The following COBL variants were observed in gnomAD, a reference collection of about 807,000 sequenced individuals.
COBL encodes the protein protein cordon-bleu.
In COBL, 51 loss-of-function variants were observed where a neutral mutation model predicts 98.8. That is an observed-to-expected ratio of 0.52 (90% CI 0.41 to 0.65). The LOEUF is 0.65. Ranked by LOEUF, COBL falls within the 30% of genes least tolerant of loss-of-function variation. The pLI, the probability that COBL is intolerant of heterozygous loss-of-function variation, is 0.00. For missense variants in COBL, 1,617 were observed against 1,617.5 expected (o/e 1.00, Z 0.01); for synonymous variants, 634 against 651.7 (o/e 0.97, Z 0.41).
At chr7:51,057,345 C>T (rs1790863996) in intron 7 of COBL, among the ~76,000 whole-genome samples, 1 of 152,112 alleles carries the variant, frequency 6.6e-6, no homozygotes, top group African/African-American at 2.4e-5. Context: ...CACACACACA[C>T]ACACACATAT....
At chr7:51,260,192 C>T (rs891414125) in intron 1 of COBL, 14 of 771,322 alleles carry the variant, frequency 1.8e-5, no homozygotes, top group Non-Finnish European at 2.8e-5. Flanking sequence ...AGCTACTGAT[C>T]ATGCGTAACT....
chr7:51,218,294 A>G (rs1282272177), intron 2 of COBL, among the ~76,000 whole-genome samples: 3 of 152,258 alleles, frequency 2.0e-5, no homozygotes, highest in Non-Finnish European at 4.4e-5. Flanking sequence ...AAGTAACAAA[A>G]TAGTTGCAAA....
chr7:51,076,254 A>G (rs1414758074), intron 7 of COBL, among the ~76,000 whole-genome samples: 1 of 152,244 alleles, frequency 6.6e-6, no homozygotes, highest in Non-Finnish European at 1.5e-5. Flanking sequence ...AAAAGTACTT[A>G]GTTTGGGCTC....
intron 5 of COBL, among the ~76,000 whole-genome samples, chr7:51,150,633 C>T (rs1454366842): frequency 1.3e-5 from 2 of 152,178 alleles, no homozygotes; most frequent in Non-Finnish European, 2.9e-5. Context: ...CTATAACTGA[C>T]CTTCTTTCAG....
chr7:51,236,792 G>A (rs909464029), intron 1 of COBL, among the ~76,000 whole-genome samples: 3 of 152,144 alleles, frequency 2.0e-5, no homozygotes, highest in African/African-American at 7.2e-5. Flanking sequence ...TCTGGTACAC[G>A]ATGCACTCAA....
rs1786344877 is a variant in COBL at position 51,017,030 on chromosome 7, A to ACTACCTAAC, written c.*520_*521insGTTAGGTAG. The stretch of plus-strand genomic sequence containing the variant: ...TTACTACCTAACAAAGCCACCTTTG[A>ACTACCTAAC]AAAGCCTCCCAATTTTTTTTTCTTA... On this transcript the variant is annotated 3_prime_UTR_variant, in exon 13 of 13. Transcript: ENST00000265136. 2.5e-6 allele frequency: 1 copy of ACTACCTAAC among 403,662 alleles called. No homozygotes were observed. Among genetic ancestry groups the ACTACCTAAC allele is most frequent in the Non-Finnish European group, 4.4e-6 (1 of 229,454 alleles). 25.0% of individuals were successfully genotyped at this position (403,662 alleles called of 1,614,324 possible).
intron 2 of COBL, among the ~76,000 whole-genome samples, chr7:51,213,216 G>A (rs1354967156): frequency 6.6e-6 from 1 of 152,080 alleles, no homozygotes; most frequent in African/African-American, 2.4e-5. Flanking sequence ...CTACAGCAGC[G>A]GTCCCCAACC....
chr7:51,066,651 G>T (rs933076583), intron 7 of COBL, among the ~76,000 whole-genome samples: 1 of 152,170 alleles, frequency 6.6e-6, no homozygotes, highest in African/African-American at 2.4e-5. Context: ...AAAGTGCATG[G>T]GAAGGGGGTG....
In COBL at chr7:51,284,435, G is replaced by A. The variant is rs114702631; in HGVS notation, c.41+32158C>T. 4.8e-3 allele frequency among the ~76,000 whole-genome samples: 723 copies of A among 152,004 alleles called. 3 individuals are homozygous for A. The highest frequency in any genetic ancestry group is 0.016 in the African/African-American group (670 of 41,470). The stretch of plus-strand genomic sequence containing the variant: ...AGTTTAAAGAAGAAAAATCACATGC[G>A]TGTATCAATCAAAGCAAAGACAAGC... On this transcript the variant is annotated intron_variant, in intron 1 of 12. Transcript: ENST00000265136.
chr7:51,194,681 T>G (rs776233599), intron 2 of COBL, among the ~76,000 whole-genome samples: 1 of 152,238 alleles, frequency 6.6e-6, no homozygotes, highest in Non-Finnish European at 1.5e-5. Flanking sequence ...GGTATCTCAT[T>G]GCGGTTTTGA....
intron 5 of COBL, among the ~76,000 whole-genome samples, chr7:51,146,272 CTA>C (rs1157557213): frequency 6.6e-6 from 1 of 152,216 alleles, no homozygotes; most frequent in African/African-American, 2.4e-5. Context: ...TTTGGGTACT[CTA>C]TTATTAATTA....
intron 1 of COBL, among the ~76,000 whole-genome samples, chr7:51,227,210 T>A (rs573487179): frequency 6.6e-6 from 1 of 152,282 alleles, no homozygotes; most frequent in East Asian, 1.9e-4. Context: ...TACTCTGATG[T>A]GGGGTCTGGA....
In COBL at chr7:51,223,567, T is replaced by G. The variant is rs148791125; in HGVS notation, c.42-3623A>C. 7.5e-4 allele frequency among the ~76,000 whole-genome samples: 114 copies of G among 152,274 alleles called. 1 individual carries two copies. Among genetic ancestry groups the G allele is most frequent in the African/African-American group, 2.6e-3 (107 of 41,552 alleles). ...TGAACCATTCTTCAATATCCTCCAC[T>G]CTTCTGGCAATTGGCCTACAGCTCC... On this transcript the variant is annotated intron_variant, in intron 1 of 12. Coordinates refer to ENST00000265136, the MANE Select transcript of COBL (RefSeq NM_015198.5).
chr7:51,167,965 A>G (rs1470418527), intron 5 of COBL, among the ~76,000 whole-genome samples: 1 of 152,124 alleles, frequency 6.6e-6, no homozygotes, highest in Non-Finnish European at 1.5e-5. Flanking sequence ...AACTACTACA[A>G]AAAAAATTGG....
At chr7:51,081,731 C>T (rs988496555) in intron 7 of COBL, among the ~76,000 whole-genome samples, 4 of 152,170 alleles carry the variant, frequency 2.6e-5, no homozygotes, top group Non-Finnish European at 4.4e-5. Context: ...GGCTTTATAG[C>T]TTTCATCCAG....
At chr7:51,085,081 C>T in intron 7 of COBL, 85 bp downstream of exon 7, 2 of 1,592,766 alleles carry the variant, frequency 1.3e-6, no homozygotes, top group Non-Finnish European at 1.7e-6. Context: ...ATGGATGAGG[C>T]CACTGCAGGA....
At chr7:51,235,427 TC>T (rs1352631711) in intron 1 of COBL, among the ~76,000 whole-genome samples, 1 of 152,194 alleles carries the variant, frequency 6.6e-6, no homozygotes, top group Non-Finnish European at 1.5e-5. Flanking sequence ...TCTTCCTACG[TC>T]CAAGAACCTC....
chr7:51,060,633 A>G (rs1452276606), intron 7 of COBL, among the ~76,000 whole-genome samples: 1 of 152,208 alleles, frequency 6.6e-6, no homozygotes, highest in Non-Finnish European at 1.5e-5. Flanking sequence ...TCCAGGAATC[A>G]AGAGGTTAAA....
intron 7 of COBL, among the ~76,000 whole-genome samples, chr7:51,077,265 T>C (rs1231929844): frequency 6.6e-6 from 1 of 152,214 alleles, no homozygotes; most frequent in Non-Finnish European, 1.5e-5. Context: ...GAGCCAGTCT[T>C]CCATTGTTCT....
Sources: gnomAD v4.1 joint callset for allele counts (sites outside exome capture counted in the v4.1 genomes callset) on GRCh38, gnomAD v4.1.1 for gene constraint, MANE v1.5 for transcripts, NCBI Gene and HGNC (gene_info 2026-07-23, HGNC 2026-07-21) for gene names.